The following USP12 variants were observed in gnomAD, a reference collection of about 807,000 sequenced individuals.
USP12 encodes the protein ubiquitin carboxyl-terminal hydrolase 12.
USP12 carries 19 observed loss-of-function variants against 45.5 expected under a neutral mutation model. The observed-to-expected ratio is 0.42, with a 90% CI of 0.29 to 0.61. The LOEUF is 0.61. Ranked by LOEUF, USP12 falls within the 20% of genes least tolerant of loss-of-function variation. The probability of loss-of-function intolerance (pLI) is 0.22; values close to 1 mark genes in which losing one functional copy is unlikely to be tolerated. For missense variants in USP12, 242 were observed against 447.7 expected (o/e 0.54, Z 4.15); for synonymous variants, 149 against 148.8 (o/e 1.00, Z -0.01).
intron 8 of USP12, among the ~76,000 whole-genome samples, chr13:27,069,752 A>G (rs1873153057): frequency 6.6e-6 from 1 of 152,242 alleles, no homozygotes. Context: ...GTTCGAGACC[A>G]GCCTGACCAA....
At chr13:27,108,585 A>G (rs540545651) in intron 2 of USP12, among the ~76,000 whole-genome samples, 13 of 152,318 alleles carry the variant, frequency 8.5e-5, no homozygotes, top group African/African-American at 2.2e-4. Context: ...TATCTTAAAT[A>G]TAAGTGTCAA....
At chr13:27,072,326 A>G (rs1012665956) in intron 7 of USP12, among the ~76,000 whole-genome samples, 4 of 152,196 alleles carry the variant, frequency 2.6e-5, no homozygotes, top group Non-Finnish European at 5.9e-5. Flanking sequence ...GGGTGGGGTA[A>G]GGACTGGTAA....
rs931892831 is a variant in USP12, at chr13:27,155,988, G to A, written c.48+15604C>T. 6.8e-4 allele frequency among the ~76,000 whole-genome samples: 104 copies of A among 151,944 alleles called. 5 individuals carry two copies. The highest frequency in any genetic ancestry group is 5.9e-5 in the Non-Finnish European group (4 of 67,980). On this transcript the variant is annotated intron_variant, in intron 1 of 8. Transcript: ENST00000282344. ...AAATATTTCTTAAAAAAAACCTATA[G>A]AAGCAGTTAAAACTGTATTCTGAAG...
intron 2 of USP12, among the ~76,000 whole-genome samples, chr13:27,110,393 G>T (rs1875380680): frequency 6.6e-6 from 1 of 152,138 alleles, no homozygotes; most frequent in South Asian, 2.1e-4. Flanking sequence ...ACAAAGCTCT[G>T]CTATGTTCAA....
intron 1 of USP12, among the ~76,000 whole-genome samples, chr13:27,125,027 T>C (rs961579736): frequency 3.9e-5 from 6 of 152,224 alleles, no homozygotes; most frequent in African/African-American, 9.6e-5. Flanking sequence ...CTGGAGAACA[T>C]GACTTTTAAA....
In USP12 at chr13:27,144,859, A is replaced by G. The variant is rs1369091776; in HGVS notation, c.48+26733T>C. Among the ~76,000 whole-genome samples, 3 of 151,672 alleles carry G rather than the reference A, an allele frequency of 2.0e-5. No homozygotes were observed. The South Asian group carries it at 6.2e-4, about 32-fold the overall frequency. The stretch of plus-strand genomic sequence containing the variant: ...CAGATCCTTTAAGCCCAGGAGTTCG[A>G]GACCAGCCCGGGTAATAGGGCCAAA... On this transcript the variant is annotated intron_variant, in intron 1 of 8. Coordinates refer to ENST00000282344, the MANE Select transcript of USP12 (RefSeq NM_182488.4).
At chr13:27,145,455 T>G (rs1877269925) in intron 1 of USP12, among the ~76,000 whole-genome samples, 1 of 152,244 alleles carries the variant, frequency 6.6e-6, no homozygotes, top group East Asian at 1.9e-4. Context: ...TTAGGCTTCC[T>G]GCATAACCAT....
At chr13:27,087,251 ATGTGTGTGTG>A (rs55816785) in intron 6 of USP12, among the ~76,000 whole-genome samples, 10,609 of 143,932 alleles carry the variant, frequency 0.074, 486 homozygotes, top group Middle Eastern at 0.12. Flanking sequence ...GTGGGGAGGG[ATGTGTGTGTG>A]TGTGTGTGTG....
intron 1 of USP12, among the ~76,000 whole-genome samples, chr13:27,141,922 G>A (rs1275101982): frequency 6.6e-6 from 1 of 152,130 alleles, no homozygotes; most frequent in Non-Finnish European, 1.5e-5. Flanking sequence ...GGTAGCTCAT[G>A]CCTGTAATCA....
chr13:27,131,039 A>G (rs1377593058), intron 1 of USP12, among the ~76,000 whole-genome samples: 1 of 152,242 alleles, frequency 6.6e-6, no homozygotes, highest in East Asian at 1.9e-4. Context: ...GCTGAATGAC[A>G]CTCAAAGTTT....
chr13:27,083,089 C>A (rs1873838936), intron 6 of USP12, among the ~76,000 whole-genome samples: 1 of 152,182 alleles, frequency 6.6e-6, no homozygotes, highest in South Asian at 2.1e-4. Context: ...CCCACCTTGG[C>A]CTCCCAAAGT....
chr13:27,152,047 T>C (rs1235346276), intron 1 of USP12, among the ~76,000 whole-genome samples: 1 of 152,172 alleles, frequency 6.6e-6, no homozygotes, highest in African/African-American at 2.4e-5. Flanking sequence ...AGCCATACAC[T>C]GTTGGCAGGA....
At position 27,069,243 on chromosome 13, in the gene USP12, A is replaced by G. The variant is rs373964622; in HGVS notation, c.*40T>C. On this transcript the variant is annotated 3_prime_UTR_variant, in exon 9 of 9. Coordinates refer to ENST00000282344, the MANE Select transcript of USP12 (RefSeq NM_182488.4). ...TGATCCTTTCCAAAATAACCAGAGA[A>G]GAAATGAGGCAGAAAGTGTCTCTTC... is the stretch of plus-strand genomic sequence containing the variant. 3.1e-5 allele frequency: 47 copies of G among 1,523,362 alleles called. No homozygotes were observed. In the African/African-American group the frequency reaches 5.2e-4, roughly 17 times the overall value. The allele number at this position is 1,523,362 out of a possible 1,614,324, so 94.4% of individuals were successfully genotyped here.
rs1306124397 is a variant in USP12 at position 27,067,129 on chromosome 13, T to C, written c.*2154A>G. ...AATTTAACTTGGCTTTTACGGCATG[T>C]TTTTTTTTAATGCAAAAATGTAAAA... is the stretch of plus-strand genomic sequence containing the variant. On this transcript the variant is annotated 3_prime_UTR_variant, in exon 9 of 9. Transcript: ENST00000282344. 1.3e-5 allele frequency: 2 copies of C among 150,646 alleles called. No individual in the cohort carries two copies. The highest frequency in any genetic ancestry group is 3.0e-5 in the Non-Finnish European group (2 of 67,454). 9.3% of individuals were successfully genotyped at this position (150,646 alleles called of 1,614,324 possible).
At chr13:27,137,495 C>T (rs1004104810) in intron 1 of USP12, among the ~76,000 whole-genome samples, 11 of 152,108 alleles carry the variant, frequency 7.2e-5, no homozygotes, top group African/African-American at 2.4e-4. Flanking sequence ...TTTTAAAGTG[C>T]TGTAAATAGA....
chr13:27,120,215 A>C (rs1291534958), intron 1 of USP12, among the ~76,000 whole-genome samples: 2 of 152,264 alleles, frequency 1.3e-5, no homozygotes, highest in African/African-American at 2.4e-5. Context: ...CCAAAAATTT[A>C]AAGTGAGCCT....
At chr13:27,152,068 G>C (rs1350424004) in intron 1 of USP12, among the ~76,000 whole-genome samples, 1 of 152,106 alleles carries the variant, frequency 6.6e-6, no homozygotes, top group Non-Finnish European at 1.5e-5. Flanking sequence ...ACATAAAATG[G>C]TCCATCTCTG....
chr13:27,149,944 G>T (rs953365342), intron 1 of USP12, among the ~76,000 whole-genome samples: 16 of 152,226 alleles, frequency 1.1e-4, no homozygotes, highest in Admixed American at 3.3e-4. Flanking sequence ...CAGTAATGCT[G>T]CTCGCTGGAC....
chr13:27,167,000 T>C (rs1206594068), intron 1 of USP12, among the ~76,000 whole-genome samples: 1 of 152,120 alleles, frequency 6.6e-6, no homozygotes, highest in Non-Finnish European at 1.5e-5. Flanking sequence ...GGGTAAACAG[T>C]GTAAAACTAT....
Sources: allele counts gnomAD v4.1 joint callset (sites outside exome capture counted in the v4.1 genomes callset), GRCh38; gene constraint gnomAD v4.1.1; transcripts MANE v1.5; gene names NCBI Gene and HGNC (gene_info 2026-07-23, HGNC 2026-07-21).